The following GPR158 variants were observed in gnomAD, a reference collection of about 807,000 sequenced individuals.
The protein encoded by GPR158 is metabotropic glycine receptor.
In GPR158, 30 loss-of-function variants were observed where a neutral mutation model predicts 78.2. The observed-to-expected ratio is 0.38, with a 90% CI of 0.29 to 0.52. The LOEUF is 0.52. Among genes scored for constraint, GPR158 ranks in the 20% least tolerant of loss-of-function variants. The probability of loss-of-function intolerance (pLI) is 0.83; values close to 1 mark genes in which losing one functional copy is unlikely to be tolerated. For missense variants in GPR158, 1,463 were observed against 1,523.5 expected, an observed-to-expected ratio of 0.96 and a Z score of 0.66; for synonymous variants, 581 against 591.1, an observed-to-expected ratio of 0.98 and a Z score of 0.25.
At chr10:25,341,089 G>A (rs1855296847) in intron 2 of GPR158, among the ~76,000 whole-genome samples, 1 of 151,960 alleles carries the variant, frequency 6.6e-6, no homozygotes, top group Non-Finnish European at 1.5e-5. Context: ...ATAAGTGCTA[G>A]CTTTGAATGT....
intron 5 of GPR158, among the ~76,000 whole-genome samples, chr10:25,477,988 A>G (rs2130632191): frequency 6.6e-6 from 1 of 152,298 alleles, no homozygotes; most frequent in African/African-American, 2.4e-5. Flanking sequence ...AGTTCCATTT[A>G]TCCACTTGGC....
At chr10:25,561,795 A>G (rs1263253301) in intron 6 of GPR158, among the ~76,000 whole-genome samples, 1 of 152,176 alleles carries the variant, frequency 6.6e-6, no homozygotes, top group Admixed American at 6.5e-5. Flanking sequence ...ATGTTATCAC[A>G]TTTCCTCAGT....
intron 2 of GPR158, among the ~76,000 whole-genome samples, chr10:25,292,976 T>C (rs1854461576): frequency 6.6e-6 from 1 of 152,114 alleles, no homozygotes; most frequent in Admixed American, 6.5e-5. Context: ...TGGATGTGAT[T>C]TTTCCCACCA....
At chr10:25,471,533 C>T (rs1321343925) in intron 5 of GPR158, among the ~76,000 whole-genome samples, 1 of 152,148 alleles carries the variant, frequency 6.6e-6, no homozygotes, top group Non-Finnish European at 1.5e-5. Context: ...TGAGGAATCG[C>T]CACACTGTCT....
At chr10:25,315,621 ATT>A (rs1854835881) in intron 2 of GPR158, among the ~76,000 whole-genome samples, 1 of 140,388 alleles carries the variant, frequency 7.1e-6, no homozygotes, top group Non-Finnish European at 1.5e-5. Flanking sequence ...TGTAATTTAT[ATT>A]GTTATAATTC....
intron 2 of GPR158, among the ~76,000 whole-genome samples, chr10:25,325,889 A>G (rs1193869789): frequency 7.9e-6 from 1 of 126,314 alleles, no homozygotes; most frequent in African/African-American, 3.0e-5. Flanking sequence ...TAATACACCT[A>G]TTGGCCATTT....
chr10:25,221,130 T>C lies in GPR158; in HGVS notation c.981T>C (p.Thr327=). 2 of 1,579,814 alleles carry C rather than the reference T, an allele frequency of 1.3e-6. No homozygotes were observed. The highest frequency in any genetic ancestry group is 1.7e-6 in the Non-Finnish European group (2 of 1,149,568). ...CAAGTGATGGCTGGTTTTCAGGAAC[T>C]CATAAATGCCACCTCAACAATTCAG... ...QCSSDGWFSG[T]HKCHLNNSEC... is the part of the protein sequence containing the mutation. Residue 327 remains threonine, a synonymous_variant, in exon 2 of 11, where the codon ACT becomes ACC. Coordinates refer to ENST00000376351, the MANE Select transcript of GPR158 (RefSeq NM_020752.3).
chr10:25,516,734 C>G (rs1215598300), intron 5 of GPR158, among the ~76,000 whole-genome samples: 22 of 104,996 alleles, frequency 2.1e-4, no homozygotes, highest in African/African-American at 9.1e-4. Context: ...ATCTATATCT[C>G]TGTTTTGGTA....
chr10:25,247,968 C>G (rs1259606985), intron 2 of GPR158, among the ~76,000 whole-genome samples: 1 of 150,798 alleles, frequency 6.6e-6, no homozygotes, highest in Non-Finnish European at 1.5e-5. Flanking sequence ...CACATCCTCT[C>G]CAGCACCTGT....
intron 1 of GPR158, among the ~76,000 whole-genome samples, chr10:25,197,463 T>C (rs1252601822): frequency 6.6e-6 from 1 of 152,206 alleles, no homozygotes; most frequent in East Asian, 1.9e-4. Context: ...ATCAGCTTTG[T>C]AATTTGACTT....
At chr10:25,419,620 G>T (rs1340942953) in intron 4 of GPR158, among the ~76,000 whole-genome samples, 3 of 152,158 alleles carry the variant, frequency 2.0e-5, no homozygotes, top group Non-Finnish European at 1.5e-5. Flanking sequence ...AAGGTTTACA[G>T]TTCCTCCATA....
At chr10:25,402,333 A>C (rs1216372807) in intron 3 of GPR158, among the ~76,000 whole-genome samples, 1 of 152,144 alleles carries the variant, frequency 6.6e-6, no homozygotes, top group Non-Finnish European at 1.5e-5. Flanking sequence ...GAAACATGGC[A>C]AGTAAATTCA....
intron 4 of GPR158, among the ~76,000 whole-genome samples, chr10:25,438,205 T>C (rs1017993172): frequency 3.3e-5 from 5 of 152,074 alleles, no homozygotes; most frequent in Non-Finnish European, 7.4e-5. Flanking sequence ...TAGAGTTAGG[T>C]AGAGATTTGA....
At chr10:25,584,029 TCTC>T (rs1837236410) in intron 7 of GPR158, among the ~76,000 whole-genome samples, 1 of 152,236 alleles carries the variant, frequency 6.6e-6, no homozygotes, top group African/African-American at 2.4e-5. Flanking sequence ...TTGAAAATAC[TCTC>T]CTTATAGTAT....
At chr10:25,384,600 T>A (rs780859040) in intron 2 of GPR158, among the ~76,000 whole-genome samples, 6 of 152,152 alleles carry the variant, frequency 3.9e-5, no homozygotes, top group Non-Finnish European at 7.3e-5. Context: ...TTACATAAAC[T>A]TTATTTATTT....
At chr10:25,348,697 G>A (rs184878362) in intron 2 of GPR158, among the ~76,000 whole-genome samples, 75 of 152,022 alleles carry the variant, frequency 4.9e-4, no homozygotes, top group Admixed American at 2.4e-3. Flanking sequence ...TCCTCCAAAA[G>A]ATTCCTCTTT....
chr10:25,178,361 AT>A (rs1852568993), intron 1 of GPR158, among the ~76,000 whole-genome samples: 1 of 152,184 alleles, frequency 6.6e-6, no homozygotes. Flanking sequence ...TGTGTAAAAT[AT>A]ATGTATTTTC....
At chr10:25,419,676 G>A (rs1834719736) in intron 4 of GPR158, among the ~76,000 whole-genome samples, 1 of 152,026 alleles carries the variant, frequency 6.6e-6, no homozygotes, top group African/African-American at 2.4e-5. Context: ...TGTTGTTGTT[G>A]TTGTTGTTTT....
In GPR158 at chr10:25,337,347, A is replaced by G. The variant is rs75635510; in HGVS notation, c.1009-58564A>G. On this transcript the variant is annotated intron_variant, in intron 2 of 10. Coordinates refer to ENST00000376351, the MANE Select transcript of GPR158 (RefSeq NM_020752.3). ...ACACCATTTCCTCAAGGGTAAACAC[A>G]TTTCTAACACCATAGATAAATATTT... Among the ~76,000 whole-genome samples the G allele has an allele frequency of 6.0e-3, 916 of 152,174 alleles. 8 individuals are homozygous for G. Among genetic ancestry groups the G allele is most frequent in the African/African-American group, 0.02 (848 of 41,542 alleles).
Sources: gnomAD v4.1 joint callset for allele counts (sites outside exome capture counted in the v4.1 genomes callset) on GRCh38, gnomAD v4.1.1 for gene constraint, MANE v1.5 for transcripts, NCBI Gene and HGNC (gene_info 2026-07-23, HGNC 2026-07-21) for gene names.